The following CDKAL1 variants were observed in gnomAD, a reference collection of about 807,000 sequenced individuals.
CDKAL1 encodes the protein CDKAL1 threonylcarbamoyladenosine tRNA methylthiotransferase.
In CDKAL1, 32 loss-of-function variants were observed where a neutral mutation model predicts 68.2. The ratio of observed to expected loss-of-function variants is 0.47; its 90% CI spans 0.35 to 0.63. CDKAL1 has a LOEUF of 0.63. CDKAL1 is among the 30% of genes least tolerant of loss of function. The pLI, the probability that CDKAL1 is intolerant of heterozygous loss-of-function variation, is 0.00. For synonymous variants in CDKAL1, 234 were observed against 244.3 expected, an observed-to-expected ratio of 0.96 and a Z score of 0.39; for missense variants, 606 against 696.7, an observed-to-expected ratio of 0.87 and a Z score of 1.47.
chr6:20,942,057 A>G (rs1413095945), intron 9 of CDKAL1, among the ~76,000 whole-genome samples: 1 of 152,196 alleles, frequency 6.6e-6, no homozygotes, highest in Non-Finnish European at 1.5e-5. Flanking sequence ...AAGACAGCTT[A>G]TGTTTAACAC....
intron 15 of CDKAL1, among the ~76,000 whole-genome samples, chr6:21,208,217 G>A (rs551794565): frequency 3.3e-5 from 5 of 152,288 alleles, no homozygotes; most frequent in Admixed American, 2.0e-4. Flanking sequence ...TGGAAAGGAA[G>A]CAGAAGTTTT....
At chr6:21,160,523 T>C (rs1371645101) in intron 13 of CDKAL1, among the ~76,000 whole-genome samples, 10 of 150,304 alleles carry the variant, frequency 6.7e-5, no homozygotes, top group South Asian at 2.1e-4. Flanking sequence ...GTCTCGAACT[T>C]CTGACTTCGT....
chr6:20,634,152 G>A (rs1581862430), intron 4 of CDKAL1, among the ~76,000 whole-genome samples: 1 of 152,172 alleles, frequency 6.6e-6, no homozygotes, highest in East Asian at 1.9e-4. Flanking sequence ...GAAAGCAGAT[G>A]TTTTGGCAGT....
At chr6:20,978,783 C>A (rs1245008313) in intron 10 of CDKAL1, among the ~76,000 whole-genome samples, 1 of 152,056 alleles carries the variant, frequency 6.6e-6, no homozygotes, top group Non-Finnish European at 1.5e-5. Context: ...TAAATGGTAA[C>A]AAGAATGGTA....
At chr6:20,880,635 T>G (rs1229453422) in intron 9 of CDKAL1, among the ~76,000 whole-genome samples, 1 of 152,182 alleles carries the variant, frequency 6.6e-6, no homozygotes. Flanking sequence ...CTGTTCTTTT[T>G]TGTGATTTAT....
chr6:20,876,022 T>C (rs1458198402), intron 9 of CDKAL1, among the ~76,000 whole-genome samples: 2 of 152,238 alleles, frequency 1.3e-5, no homozygotes, highest in East Asian at 3.8e-4. Flanking sequence ...AAGGCTAAAC[T>C]TACATGTTAA....
chr6:21,182,952 C>T (rs191103635), intron 13 of CDKAL1, among the ~76,000 whole-genome samples: 55 of 152,242 alleles, frequency 3.6e-4, no homozygotes, highest in African/African-American at 1.3e-3. Flanking sequence ...TTATCATTAC[C>T]ATATCCTCAT....
At chr6:21,141,195 G>A (rs915346346) in intron 13 of CDKAL1, among the ~76,000 whole-genome samples, 6 of 152,136 alleles carry the variant, frequency 3.9e-5, no homozygotes, top group African/African-American at 9.7e-5. Context: ...GAGCTACTTC[G>A]TTCTGGATCA....
chr6:20,552,494 G>A (rs1215431788), intron 4 of CDKAL1, among the ~76,000 whole-genome samples: 1 of 152,032 alleles, frequency 6.6e-6, no homozygotes, highest in African/African-American at 2.4e-5. Flanking sequence ...GTACTTGTCT[G>A]TATAAAATAA....
At chr6:21,135,929 T>A (rs1005572719) in intron 13 of CDKAL1, among the ~76,000 whole-genome samples, 3 of 152,206 alleles carry the variant, frequency 2.0e-5, no homozygotes, top group African/African-American at 7.2e-5. Context: ...TAAACTCCCA[T>A]AATGCCAAAT....
chr6:20,733,196 A>T (rs988477832), intron 5 of CDKAL1, among the ~76,000 whole-genome samples: 1 of 152,172 alleles, frequency 6.6e-6, no homozygotes, highest in Non-Finnish European at 1.5e-5. Flanking sequence ...GTGCATGATG[A>T]CTGTCCCACA....
intron 5 of CDKAL1, among the ~76,000 whole-genome samples, chr6:20,655,478 G>T (rs1283187863): frequency 1.3e-5 from 2 of 152,186 alleles, no homozygotes; most frequent in African/African-American, 4.8e-5. Context: ...GGCCTGTTAG[G>T]AACTGGCTGC....
At chr6:20,609,632 G>C (rs1172937323) in intron 4 of CDKAL1, among the ~76,000 whole-genome samples, 1 of 151,874 alleles carries the variant, frequency 6.6e-6, no homozygotes, top group Admixed American at 6.6e-5. Context: ...CTGACTTCAA[G>C]TGATCTGCCC....
At chr6:20,820,895 A>ACAT (rs1777250027) in intron 8 of CDKAL1, among the ~76,000 whole-genome samples, 3 of 152,066 alleles carry the variant, frequency 2.0e-5, no homozygotes, top group African/African-American at 4.8e-5. Context: ...AAAATGTCAG[A>ACAT]TAGTGAACAG....
chr6:20,822,616 T>C (rs1262972437), intron 8 of CDKAL1, among the ~76,000 whole-genome samples: 1 of 152,158 alleles, frequency 6.6e-6, no homozygotes, highest in Non-Finnish European at 1.5e-5. Flanking sequence ...ATAATCCCCA[T>C]GTGTCACGGG....
intron 6 of CDKAL1, chr6:20,756,831 C>CCTTT: frequency 6.8e-6 from 1 of 147,976 alleles, no homozygotes; most frequent in Admixed American, 6.7e-5. Context: ...TTCCTTCCTT[C>CCTTT]CTTCCTTTCT....
chr6:20,649,357 C>A lies in CDKAL1; in HGVS notation c.351C>A (p.Asp117Glu). Residue 117 changes from aspartate to glutamate, a missense_variant, in exon 5 of 16, where the codon GAC becomes GAA. Asp to Glu is a conservative substitution (Grantham distance 45, BLOSUM62 2). Transcript: ENST00000274695. ...NSCTVKNPAE[D>E]HFRNSIKKAQ... ...GCACTGTAAAAAACCCAGCTGAAGACCACTTTAGAAACTCAATTAAGTAAG... is the reference window on the plus strand; with the variant it reads ...GCACTGTAAAAAACCCAGCTGAAGAACACTTTAGAAACTCAATTAAGTAAG... 1 of 1,598,878 alleles carries A rather than the reference C, an allele frequency of 6.3e-7. No homozygotes were observed. Among genetic ancestry groups the A allele is most frequent in the Non-Finnish European group, 8.5e-7 (1 of 1,171,414 alleles).
chr6:21,045,137 A>G (rs1770150954), intron 11 of CDKAL1, among the ~76,000 whole-genome samples: 1 of 152,164 alleles, frequency 6.6e-6, no homozygotes. Flanking sequence ...CATCATTCAA[A>G]CCATAGCACT....
intron 13 of CDKAL1, among the ~76,000 whole-genome samples, chr6:21,138,130 T>G (rs1775709592): frequency 6.6e-6 from 1 of 152,164 alleles, no homozygotes; most frequent in South Asian, 2.1e-4. Context: ...TCTGGGTAAA[T>G]AGTTTATGGC....
Sources: allele counts gnomAD v4.1 joint callset (sites outside exome capture counted in the v4.1 genomes callset), GRCh38; gene constraint gnomAD v4.1.1; transcripts MANE v1.5; gene names NCBI Gene and HGNC (gene_info 2026-07-23, HGNC 2026-07-21).